Variants in CYSLTR2 observed in about 807,000 individuals in gnomAD.
CYSLTR2 encodes the protein cysteinyl leukotriene receptor 2, also known as G-protein coupled receptor GPCR21.
For missense variants in CYSLTR2, 398 were observed against 411.9 expected (o/e 0.97, Z 0.29); for synonymous variants, 179 against 160.8 (o/e 1.11, Z -0.86).
rs1335036105 is a variant in CYSLTR2, at chr13:48,707,488, T to C, written c.671T>C (p.Ile224Thr). The change falls in exon 5 of 5, where the codon ATC becomes ACC. Residue 224 changes from isoleucine to threonine, a missense_variant. Transcript: ENST00000682523. ...ACACTCAGCATCTGTTATCTGCTGA[T>C]CATTCGGGTTCTGTTAAAAGTGGAG... ...FFTLSICYLL[I>T]IRVLLKVEVP... The C allele has an allele frequency of 6.2e-7, 1 of 1,612,974 alleles. No individual in the cohort carries two copies. Among genetic ancestry groups the C allele is most frequent in the South Asian group, 1.1e-5 (1 of 91,070 alleles).
At chr13:48,705,276 CA>C (rs1409309987) in intron 4 of CYSLTR2, among the ~76,000 whole-genome samples, 6 of 152,038 alleles carry the variant, frequency 3.9e-5, no homozygotes, top group Admixed American at 1.3e-4. Flanking sequence ...TGCATTTTTC[CA>C]TCCTTTTACT....
At chr13:48,681,407 G>A (rs936387885) in intron 1 of CYSLTR2, among the ~76,000 whole-genome samples, 1 of 152,134 alleles carries the variant, frequency 6.6e-6, no homozygotes, top group African/African-American at 2.4e-5. Context: ...GGGACTCACA[G>A]CCCACCTGCA....
intron 1 of CYSLTR2, among the ~76,000 whole-genome samples, chr13:48,674,602 C>T (rs2138866699): frequency 6.6e-6 from 1 of 152,288 alleles, no homozygotes; most frequent in South Asian, 2.1e-4. Flanking sequence ...TTGTTACCCA[C>T]CTTCTGAAGC....
intron 1 of CYSLTR2, among the ~76,000 whole-genome samples, chr13:48,663,811 C>T (rs979755181): frequency 6.6e-6 from 1 of 151,946 alleles, no homozygotes; most frequent in Non-Finnish European, 1.5e-5. Flanking sequence ...AATATGAATG[C>T]CATTTATTTA....
chr13:48,684,536 CCCTA>C, intron 1 of CYSLTR2, among the ~76,000 whole-genome samples: 1 of 151,954 alleles, frequency 6.6e-6, no homozygotes, highest in Non-Finnish European at 1.5e-5. Flanking sequence ...GTTAGATCAT[CCCTA>C]CATTCATTCA....
intron 1 of CYSLTR2, among the ~76,000 whole-genome samples, chr13:48,668,616 T>C (rs1381174954): frequency 6.6e-6 from 1 of 152,182 alleles, no homozygotes; most frequent in African/African-American, 2.4e-5. Context: ...TTTACTTATT[T>C]TTTTATTATA....
At chr13:48,694,336 G>T (rs1289505766) in intron 3 of CYSLTR2, among the ~76,000 whole-genome samples, 1 of 152,200 alleles carries the variant, frequency 6.6e-6, no homozygotes, top group African/African-American at 2.4e-5. Context: ...ACAGACTTAT[G>T]GGGACTTGGC....
intron 1 of CYSLTR2, among the ~76,000 whole-genome samples, chr13:48,669,780 T>C (rs1466891553): frequency 6.6e-6 from 1 of 152,386 alleles, no homozygotes; most frequent in Middle Eastern, 3.4e-3. Flanking sequence ...TATAATCCTT[T>C]GGGTATATAC....
At chr13:48,674,233 A>G (rs1462715031) in intron 1 of CYSLTR2, among the ~76,000 whole-genome samples, 1 of 152,062 alleles carries the variant, frequency 6.6e-6, no homozygotes, top group Non-Finnish European at 1.5e-5. Flanking sequence ...ACTTAGATCC[A>G]TTCTCCCCGT....
chr13:48,707,187 A>G lies in CYSLTR2; in HGVS notation c.370A>G (p.Ser124Gly), dbSNP rs759241445. Residue 124 changes from serine to glycine, a missense_variant, in exon 5 of 5, where the codon AGC (serine) becomes GGC (glycine). By Grantham distance (56) the Ser-to-Gly change is moderately conservative. Coordinates refer to ENST00000682523, the MANE Select transcript of CYSLTR2 (RefSeq NM_001308476.3). ...TTATTCCTTGTATGTCAACATGTAC[A>G]GCAGTATTTATTTCCTGACCGTGCT... ...MSYSLYVNMY[S>G]SIYFLTVLSV... 4 of 1,614,182 alleles carry G rather than the reference A, an allele frequency of 2.5e-6. No homozygotes were observed. The East Asian group carries it at 8.9e-5, about 36-fold the overall frequency.
intron 1 of CYSLTR2, among the ~76,000 whole-genome samples, chr13:48,670,282 T>A (rs190086589): frequency 4.6e-4 from 70 of 152,352 alleles, no homozygotes; most frequent in Non-Finnish European, 5.6e-4. Flanking sequence ...TTTAGTTTAA[T>A]TAGATCCCAT....
Position 48,707,679 on chromosome 13 carries a change from G to A in CYSLTR2, c.862G>A (p.Val288Ile), listed in dbSNP as rs147621058. ...LCKDRLHKAL[V>I]ITLALAAANA... ...CAAAGACAGACTGCATAAAGCTTTGGTTATCACACTGGCCTTGGCAGCAGC... is the reference window on the plus strand; with the variant it reads ...CAAAGACAGACTGCATAAAGCTTTGATTATCACACTGGCCTTGGCAGCAGC... Residue 288 changes from valine to isoleucine, a missense_variant, in exon 5 of 5, where the codon GTT becomes ATT. Transcript: ENST00000682523. 7 of 1,613,976 alleles carry A rather than the reference G, an allele frequency of 4.3e-6. No individual in the cohort carries two copies. The African/African-American group carries it at 9.3e-5, about 22-fold the overall frequency.
Position 48,703,658 on chromosome 13 carries a change from T to A in CYSLTR2, c.-1-3159T>A, listed in dbSNP as rs1954408508. 1.3e-5 allele frequency among the ~76,000 whole-genome samples: 2 copies of A among 152,202 alleles called. 1 individual carries two copies. The highest frequency in any genetic ancestry group is 4.1e-4 in the South Asian group (2 of 4,830). On this transcript the variant is annotated intron_variant, in intron 4 of 4. Coordinates refer to ENST00000682523, the MANE Select transcript of CYSLTR2 (RefSeq NM_001308476.3). ...TGCTAAGAGTATTTTGCACCTACAT[T>A]CACAGGGGATATTCATCCATAGTCT...
Position 48,707,269 on chromosome 13 carries a change from G to A in CYSLTR2, c.452G>A (p.Ser151Asn). Residue 151 changes from serine (S) to asparagine (N), a missense_variant, in exon 5 of 5, where the codon AGC becomes AAC. Coordinates refer to ENST00000682523, the MANE Select transcript of CYSLTR2 (RefSeq NM_001308476.3). Reference sequence around the variant, plus strand: ...CCCTTTCGGCTTCTGCATGTCACCAGCATCAGGAGTGCCTGGATCCTCTGT... The same window carrying A: ...CCCTTTCGGCTTCTGCATGTCACCAACATCAGGAGTGCCTGGATCCTCTGT... Reference protein sequence around the residue: ...VHPFRLLHVTSIRSAWILCGI... With the variant: ...VHPFRLLHVTNIRSAWILCGI... 6.2e-7 allele frequency: 1 copy of A among 1,613,980 alleles called. No homozygotes were observed. Among genetic ancestry groups the A allele is most frequent in the Non-Finnish European group, 8.5e-7 (1 of 1,180,042 alleles).
At chr13:48,655,379 G>A (rs2138787993) in intron 1 of CYSLTR2, among the ~76,000 whole-genome samples, 1 of 152,302 alleles carries the variant, frequency 6.6e-6, no homozygotes, top group East Asian at 1.9e-4. Flanking sequence ...GCTCACTCTG[G>A]CTTTCAGGAG....
At chr13:48,706,275 C>A (rs889634601) in intron 4 of CYSLTR2, among the ~76,000 whole-genome samples, 1 of 152,106 alleles carries the variant, frequency 6.6e-6, no homozygotes, top group Admixed American at 6.5e-5. Flanking sequence ...GGATTACGGG[C>A]GTGAGCCACC....
At chr13:48,674,061 C>T (rs1276585387) in intron 1 of CYSLTR2, among the ~76,000 whole-genome samples, 1 of 152,090 alleles carries the variant, frequency 6.6e-6, no homozygotes, top group Non-Finnish European at 1.5e-5. Context: ...AACATTTTTT[C>T]CTTCACTTCA....
chr13:48,671,050 G>T (rs1271531186), intron 1 of CYSLTR2, among the ~76,000 whole-genome samples: 5 of 152,152 alleles, frequency 3.3e-5, no homozygotes, highest in Non-Finnish European at 7.3e-5. Flanking sequence ...ATTGTGAATA[G>T]GAGTTCACTC....
chr13:48,667,659 C>A (rs1022041071), intron 1 of CYSLTR2, among the ~76,000 whole-genome samples: 1 of 152,146 alleles, frequency 6.6e-6, no homozygotes. Flanking sequence ...TTTCTCAGGG[C>A]CAAGACTCAA....
Sources: allele counts gnomAD v4.1 joint callset (sites outside exome capture counted in the v4.1 genomes callset), GRCh38; gene constraint gnomAD v4.1.1; transcripts MANE v1.5; gene names NCBI Gene and HGNC (gene_info 2026-07-23, HGNC 2026-07-21).